KIF17: variants seen among roughly 807,000 people sequenced by gnomAD.
KIF17 encodes kinesin family member 17.
In KIF17, 80 loss-of-function variants were observed where a neutral mutation model predicts 96.8. The ratio of observed to expected loss-of-function variants is 0.83; its 90% CI spans 0.69 to 1.00. KIF17 has a LOEUF of 1.00. Ranked by LOEUF, KIF17 falls within the 50% of genes least tolerant of loss-of-function variation. KIF17 has a pLI of 0.00. For synonymous variants in KIF17, 567 were observed against 587.5 expected, an observed-to-expected ratio of 0.97 and a Z score of 0.51; for missense variants, 1,280 against 1,372.9, an observed-to-expected ratio of 0.93 and a Z score of 1.07.
At chr1:20,707,106 A>T (rs1211221296) in intron 4 of KIF17, among the ~76,000 whole-genome samples, 1 of 152,116 alleles carries the variant, frequency 6.6e-6, no homozygotes, top group Non-Finnish European at 1.5e-5. Context: ...TCAAAAAAGG[A>T]CAGGAAGGAA....
At chr1:20,714,544 C>G (rs1275745222) in intron 2 of KIF17, among the ~76,000 whole-genome samples, 1 of 151,634 alleles carries the variant, frequency 6.6e-6, no homozygotes, top group Non-Finnish European at 1.5e-5. Context: ...CACCTGTAAT[C>G]CCAACACTTT....
At position 20,687,558 on chromosome 1, in the gene KIF17, G is replaced by T. The variant is rs896454556; in HGVS notation, c.1768C>A (p.Leu590Met). The T allele has an allele frequency of 6.2e-7, 1 of 1,613,836 alleles. No individual in the cohort carries two copies. ...TGCGGGAGGTAGTTCTGTTCCCCCA[G>T]CAGGTGCCCAGCGGCCTCCTGCCCG... is the stretch of plus-strand genomic sequence containing the variant. ...CLGQEAAGHL[L>M]GEQNYLPQEE... is the part of the protein sequence containing the mutation. The change falls in exon 8 of 15, where the codon CTG becomes ATG. Residue 590 changes from leucine to methionine, a missense_variant. Leu to Met is a conservative substitution (Grantham distance 15, BLOSUM62 2). Coordinates refer to ENST00000400463, the MANE Select transcript of KIF17 (RefSeq NM_001122819.3). This position sits in a 1 kb window ranked among gnomAD's most constrained non-coding sequence, Gnocchi z 4.4.
At chr1:20,715,461 G>A (rs1387890551) in intron 2 of KIF17, 32 bp downstream of exon 2, 1 of 1,607,488 alleles carries the variant, frequency 6.2e-7, no homozygotes, top group Non-Finnish European at 8.5e-7. Context: ...CTGCAGCTCT[G>A]GCCCTGCCCC....
In KIF17 at chr1:20,709,890, G is replaced by T; in HGVS notation, c.481-62C>A. On this transcript the variant is annotated intron_variant, in intron 3 of 14. Coordinates refer to ENST00000400463, the MANE Select transcript of KIF17 (RefSeq NM_001122819.3). This position sits in a 1 kb window ranked among gnomAD's most constrained non-coding sequence, Gnocchi z 4.7. ...GCCGCCAAGGGTTAGGACCAGGGAT[G>T]GTCAAGGAACCAGAGAGAAGGGCCC... 1.3e-6 allele frequency: 2 copies of T among 1,499,982 alleles called. No individual in the cohort carries two copies. Among genetic ancestry groups the T allele is most frequent in the Non-Finnish European group, 1.8e-6 (2 of 1,100,130 alleles). 92.9% of individuals were successfully genotyped at this position (1,499,982 alleles called of 1,614,324 possible).
chr1:20,682,679 T>G lies in KIF17; in HGVS notation c.2437A>C (p.Lys813Gln). The G allele has an allele frequency of 6.2e-7, 1 of 1,614,042 alleles. No homozygotes were observed. Among genetic ancestry groups the G allele is most frequent in the South Asian group, 1.1e-5 (1 of 91,090 alleles). The change falls in exon 11 of 15, where the codon AAG becomes CAG. Residue 813 changes from lysine to glutamine, a missense_variant. Physicochemically the swap from Lys to Gln is moderately conservative, Grantham distance 53 (BLOSUM62 1). Coordinates refer to ENST00000400463, the MANE Select transcript of KIF17 (RefSeq NM_001122819.3). ...TTCCTCTGCATCTTCTCCAGCAGCTTGCTCTTGGCCCGCACTTCCTCCTGG... is the reference window on the plus strand; with the variant it reads ...TTCCTCTGCATCTTCTCCAGCAGCTGGCTCTTGGCCCGCACTTCCTCCTGG... ...SIQEEVRAKS[K>Q]LLEKMQRKLR...
chr1:20,702,962 G>A (rs1310704090), intron 5 of KIF17, among the ~76,000 whole-genome samples: 1 of 152,256 alleles, frequency 6.6e-6, no homozygotes. Context: ...TGTCCACACA[G>A]AGGAGCAGCT....
intron 11 of KIF17, among the ~76,000 whole-genome samples, chr1:20,678,607 G>T: frequency 6.6e-6 from 1 of 152,088 alleles, no homozygotes; most frequent in Non-Finnish European, 1.5e-5. Flanking sequence ...TTACATGGAA[G>T]TACAGAGATA....
chr1:20,696,849 C>G (rs2054150064), intron 6 of KIF17, among the ~76,000 whole-genome samples: 1 of 152,184 alleles, frequency 6.6e-6, no homozygotes, highest in African/African-American at 2.4e-5. Flanking sequence ...CTCAGCCATC[C>G]CCCAGGGCCC....
In KIF17 at chr1:20,699,860, C is replaced by G. The variant is rs1412057791; in HGVS notation, c.1124-1372G>C. Among the ~76,000 whole-genome samples, 5 of 152,058 alleles carry G rather than the reference C, an allele frequency of 3.3e-5. No individual in the cohort carries two copies. The highest frequency in any genetic ancestry group is 5.9e-5 in the Non-Finnish European group (4 of 68,006). On this transcript the variant is annotated intron_variant, in intron 5 of 14. Coordinates refer to ENST00000400463, the MANE Select transcript of KIF17 (RefSeq NM_001122819.3). The surrounding 1 kb of genome is among the most constrained non-coding windows in gnomAD (Gnocchi z 4.3). ...CCAGATTGTGACAGCTGTGGAGGGC[C>G]GGGTGAGGGCTTTGGCTGTGACTCT... is the stretch of plus-strand genomic sequence containing the variant.
intron 3 of KIF17, among the ~76,000 whole-genome samples, chr1:20,710,820 G>C (rs1032347999): frequency 1.3e-5 from 2 of 152,204 alleles, no homozygotes; most frequent in Non-Finnish European, 2.9e-5. Flanking sequence ...ATGGAATAGA[G>C]GAGTAACTGA....
intron 6 of KIF17, among the ~76,000 whole-genome samples, chr1:20,692,101 G>A (rs555848646): frequency 6.6e-6 from 1 of 152,276 alleles, no homozygotes; most frequent in Admixed American, 6.5e-5. Flanking sequence ...TGAAATCTAA[G>A]CTCCTCAACT....
intron 3 of KIF17, among the ~76,000 whole-genome samples, chr1:20,711,013 G>A (rs1317151920): frequency 6.6e-6 from 1 of 152,064 alleles, no homozygotes; most frequent in Non-Finnish European, 1.5e-5. Context: ...CTGTGAGGAG[G>A]GAGCCCAGAG....
At chr1:20,717,413 T>G in intron 1 of KIF17, 63 bp downstream of exon 1, 1 of 1,581,096 alleles carries the variant, frequency 6.3e-7, no homozygotes, top group Admixed American at 1.7e-5. Flanking sequence ...CGCAGCCCCC[T>G]GGGGACTCTC....
Position 20,687,416 on chromosome 1 carries a change from TG to T in KIF17, c.1909del (p.Gln637ArgfsTer39). 1 of 1,613,662 alleles carries T rather than the reference TG, an allele frequency of 6.2e-7. No homozygotes were observed. Among genetic ancestry groups the T allele is most frequent in the Non-Finnish European group, 8.5e-7 (1 of 1,180,020 alleles). On this transcript the variant is annotated frameshift_variant, in exon 8 of 15. Transcript: ENST00000400463. LOFTEE classifies it high-confidence loss of function. This position sits in a 1 kb window ranked among gnomAD's most constrained non-coding sequence, Gnocchi z 4.4. Reference sequence around the variant, plus strand: ...CACAGGGACCTTGGGGACGTCTGCCTGGGGTGCATCTGTCCTGGCCACGGTG... The same window carrying T: ...CACAGGGACCTTGGGGACGTCTGCCTGGGTGCATCTGTCCTGGCCACGGTG... Reference protein sequence around the residue: ...SSTVARTDAPQADVPKVPVQV... With the variant: ...SSTVARTDAPXADVPKVPVQV...
At position 20,698,441 on chromosome 1, in the gene KIF17, TCTC is replaced by T. The variant is rs747918193; in HGVS notation, c.1168_1170del (p.Glu390del). On this transcript the variant is annotated inframe_deletion, in exon 6 of 15. Coordinates refer to ENST00000400463, the MANE Select transcript of KIF17 (RefSeq NM_001122819.3). ...TGGATCACAGGTTGGGGCAACAGCT[TCTC>T]CTCCACCTGCACAGGGTCTGGGGGC... 6 of 1,613,646 alleles carry T rather than the reference TCTC, an allele frequency of 3.7e-6. No homozygotes were observed. The highest frequency in any genetic ancestry group is 4.2e-6 in the Non-Finnish European group (5 of 1,179,990).
intron 13 of KIF17, 33 bp downstream of exon 13, chr1:20,670,388 C>A: frequency 6.2e-7 from 1 of 1,606,952 alleles, no homozygotes; most frequent in Non-Finnish European, 8.5e-7. Context: ...CTCCCAGCCC[C>A]CGACACCCCA....
chr1:20,702,741 T>C (rs2054259245), intron 5 of KIF17, among the ~76,000 whole-genome samples: 1 of 152,168 alleles, frequency 6.6e-6, no homozygotes, highest in South Asian at 2.1e-4. Context: ...TACTGCCTCC[T>C]CCGGGAAGCT....
In KIF17 at chr1:20,704,341, T is replaced by A; in HGVS notation, c.1123+106A>T. Reference sequence around the variant, plus strand: ...ATGGGGCTGAGGGGTGGGAGGATGCTGCTCCCACTGTCTTTTAGGTGGGAA... The same window carrying A: ...ATGGGGCTGAGGGGTGGGAGGATGCAGCTCCCACTGTCTTTTAGGTGGGAA... On this transcript the variant is annotated intron_variant, in intron 5 of 14. Coordinates refer to ENST00000400463, the MANE Select transcript of KIF17 (RefSeq NM_001122819.3). This position sits in a 1 kb window ranked among gnomAD's most constrained non-coding sequence, Gnocchi z 6.8. 1 of 926,118 alleles carries A rather than the reference T, an allele frequency of 1.1e-6. No homozygotes were observed. Among genetic ancestry groups the A allele is most frequent in the Non-Finnish European group, 1.7e-6 (1 of 587,726 alleles). 57.4% of individuals were successfully genotyped at this position (926,118 alleles called of 1,614,324 possible).
intron 13 of KIF17, among the ~76,000 whole-genome samples, chr1:20,669,639 T>G (rs2053602809): frequency 6.7e-6 from 1 of 149,402 alleles, no homozygotes; most frequent in African/African-American, 2.4e-5. Context: ...TCTGGGAGGC[T>G]GAGGCAGGAG....
Sources: allele counts gnomAD v4.1 joint callset (sites outside exome capture counted in the v4.1 genomes callset), GRCh38; gene constraint gnomAD v4.1.1; non-coding constraint Gnocchi (gnomAD v3.1); transcripts MANE v1.5; gene names NCBI Gene and HGNC (gene_info 2026-07-23, HGNC 2026-07-21).